PLA2G12A: variants seen among roughly 807,000 people sequenced by gnomAD.
PLA2G12A encodes group XIIA secretory phospholipase A2.
A neutral mutation model predicts 16.0 loss-of-function variants in PLA2G12A; 11 were observed. The observed-to-expected ratio is 0.69, with a 90% confidence interval of 0.43 to 1.13. The LOEUF is 1.13. PLA2G12A is among the 50% of genes most tolerant of loss of function. The pLI is 0.00. For missense variants in PLA2G12A, 214 were observed against 237.3 expected (o/e 0.90, Z 0.65); for synonymous variants, 77 against 93.8 (o/e 0.82, Z 1.03).
At chr4:109,722,575 C>T (rs1215491583) in intron 1 of PLA2G12A, among the ~76,000 whole-genome samples, 1 of 152,200 alleles carries the variant, frequency 6.6e-6, no homozygotes, top group African/African-American at 2.4e-5. Context: ...GGACTCTTAC[C>T]AGACATTGAA....
intron 1 of PLA2G12A, among the ~76,000 whole-genome samples, chr4:109,726,532 C>T (rs1055853669): frequency 3.9e-5 from 6 of 152,256 alleles, no homozygotes; most frequent in Admixed American, 6.5e-5. Flanking sequence ...CTCCTGCATG[C>T]GTCACCCTGC....
chr4:109,726,294 C>T (rs1199961808), intron 1 of PLA2G12A, among the ~76,000 whole-genome samples: 3 of 152,146 alleles, frequency 2.0e-5, no homozygotes, highest in East Asian at 3.8e-4. Context: ...TCCTAATGCC[C>T]GAAAACTGTT....
chr4:109,717,464 T>C, intron 3 of PLA2G12A, 84 bp downstream of exon 3: 2 of 1,363,226 alleles, frequency 1.5e-6, no homozygotes, highest in Non-Finnish European at 2.0e-6. Flanking sequence ...AAGATTTCTA[T>C]TGGTAAATCC....
At chr4:109,715,307 T>C (rs934749948) in intron 3 of PLA2G12A, among the ~76,000 whole-genome samples, 1 of 152,218 alleles carries the variant, frequency 6.6e-6, no homozygotes, top group Non-Finnish European at 1.5e-5. Context: ...CATTTCATTA[T>C]GGCCAATGGC....
rs1730717799 is a variant in PLA2G12A, at chr4:109,711,061, T to TC, written c.*3315_*3316insG. 6.8e-6 allele frequency: 1 copy of TC among 147,918 alleles called. No homozygotes were observed. The highest frequency in any genetic ancestry group is 6.7e-5 in the Admixed American group (1 of 14,912). The allele number at this position is 147,918 out of a possible 1,614,324, so 9.2% of individuals were successfully genotyped here. A position where few individuals can be genotyped will look rare whatever the true frequency, so the allele number is the denominator to read the frequency against. ...TGACAGTTAGTTCTTGCCTTTTTTTTTTTTTTTTTTTTTTTGCTCTTTTAA... is the reference window on the plus strand; with the variant it reads ...TGACAGTTAGTTCTTGCCTTTTTTTTCTTTTTTTTTTTTTTTGCTCTTTTAA... On this transcript the variant is annotated 3_prime_UTR_variant, in exon 4 of 4. Coordinates refer to ENST00000243501, the MANE Select transcript of PLA2G12A (RefSeq NM_030821.5).
intron 1 of PLA2G12A, among the ~76,000 whole-genome samples, chr4:109,720,765 G>A (rs894014081): frequency 2.1e-4 from 31 of 151,072 alleles, no homozygotes; most frequent in Admixed American, 1.5e-3. Flanking sequence ...ATAACCTCAC[G>A]AAGATATAAA....
rs1248426135 is a variant in PLA2G12A at position 109,711,135 on chromosome 4, T to C, written c.*3242A>G. 1 of 140,910 alleles carries C rather than the reference T, an allele frequency of 7.1e-6. No homozygotes were observed. Among genetic ancestry groups the C allele is most frequent in the Non-Finnish European group, 1.5e-5 (1 of 66,264 alleles). 8.7% of individuals were successfully genotyped at this position (140,910 alleles called of 1,614,324 possible). On this transcript the variant is annotated 3_prime_UTR_variant, in exon 4 of 4. Transcript: ENST00000243501. ...AAATATCAACTTTAAAATCTAAACA[T>C]ATGCCACAAAATTTTGGGACAAATT...
At chr4:109,714,957 TTTTG>T (rs3086325) in intron 3 of PLA2G12A, among the ~76,000 whole-genome samples, 12,749 of 150,760 alleles carry the variant, frequency 0.085, 657 homozygotes, top group African/African-American at 0.14. Flanking sequence ...ACCCAGCTAT[TTTTG>T]TTTGTTTGTT....
chr4:109,714,351 T>C lies in PLA2G12A; in HGVS notation c.*26A>G. ...TCAAAGGTATGTTCTTCCATCTTCA[T>C]CTGTCACTAGCTGTCGGCATCTCCT... On this transcript the variant is annotated 3_prime_UTR_variant, in exon 4 of 4. Transcript: ENST00000243501. 7.2e-7 allele frequency: 1 copy of C among 1,387,608 alleles called. No homozygotes were observed. Among genetic ancestry groups the C allele is most frequent in the Non-Finnish European group, 1.0e-6 (1 of 973,484 alleles). The allele number at this position is 1,387,608 out of a possible 1,614,324, so 86.0% of individuals were successfully genotyped here.
intron 3 of PLA2G12A, 81 bp downstream of exon 3, chr4:109,717,467 G>T: frequency 2.9e-6 from 4 of 1,393,994 alleles, no homozygotes; most frequent in Non-Finnish European, 4.0e-6. Flanking sequence ...ATTTCTATTG[G>T]TAAATCCTAT....
At chr4:109,725,584 T>C (rs1722919319) in intron 1 of PLA2G12A, among the ~76,000 whole-genome samples, 1 of 152,252 alleles carries the variant, frequency 6.6e-6, no homozygotes, top group Non-Finnish European at 1.5e-5. Context: ...AAATCCACTG[T>C]GTACAACTGC....
intron 1 of PLA2G12A, among the ~76,000 whole-genome samples, chr4:109,721,183 C>T (rs560204617): frequency 3.9e-5 from 6 of 152,288 alleles, no homozygotes; most frequent in African/African-American, 1.2e-4. Flanking sequence ...GATAGCACTT[C>T]GTCTTGTTTC....
intron 3 of PLA2G12A, among the ~76,000 whole-genome samples, chr4:109,715,911 T>C (rs1240727609): frequency 6.6e-6 from 1 of 152,274 alleles, no homozygotes; most frequent in East Asian, 1.9e-4. Context: ...GAGTGGCTTT[T>C]AGTTATCCAA....
At chr4:109,724,516 A>G (rs1722890608) in intron 1 of PLA2G12A, among the ~76,000 whole-genome samples, 1 of 151,858 alleles carries the variant, frequency 6.6e-6, no homozygotes, top group Non-Finnish European at 1.5e-5. Flanking sequence ...AAATCCATAG[A>G]CTCTGATTTC....
In PLA2G12A at chr4:109,714,224, G is replaced by T; in HGVS notation, c.*153C>A. ...CCTCACTATCTCCCTCACTTTTTTTGCTTTGAGGTTTTAACATCAAGATAT... is the reference window on the plus strand; with the variant it reads ...CCTCACTATCTCCCTCACTTTTTTTTCTTTGAGGTTTTAACATCAAGATAT... On this transcript the variant is annotated 3_prime_UTR_variant, in exon 4 of 4. Transcript: ENST00000243501. 1.5e-6 allele frequency: 1 copy of T among 664,932 alleles called. No homozygotes were observed. Among genetic ancestry groups the T allele is most frequent in the Non-Finnish European group, 2.7e-6 (1 of 376,466 alleles). 41.2% of individuals were successfully genotyped at this position (664,932 alleles called of 1,614,324 possible).
chr4:109,715,620 G>C (rs1730816429), intron 3 of PLA2G12A, among the ~76,000 whole-genome samples: 1 of 151,934 alleles, frequency 6.6e-6, no homozygotes, highest in African/African-American at 2.4e-5. Flanking sequence ...TGAGTAACTG[G>C]GACTATAGGC....
chr4:109,721,865 T>C (rs1730951680), intron 1 of PLA2G12A, among the ~76,000 whole-genome samples: 1 of 152,108 alleles, frequency 6.6e-6, no homozygotes, highest in Admixed American at 6.5e-5. Flanking sequence ...AATCCAACAG[T>C]ATATCCTGTT....
chr4:109,725,629 T>C (rs1159230098), intron 1 of PLA2G12A, among the ~76,000 whole-genome samples: 1 of 152,264 alleles, frequency 6.6e-6, no homozygotes, highest in Admixed American at 6.5e-5. Context: ...CATTTTTGAC[T>C]TAAGCAATAG....
In PLA2G12A at chr4:109,713,724, G is replaced by T. The variant is rs1471078277; in HGVS notation, c.*653C>A. 6.6e-6 allele frequency: 1 copy of T among 152,292 alleles called. No individual in the cohort carries two copies. Among genetic ancestry groups the T allele is most frequent in the Non-Finnish European group, 1.5e-5 (1 of 68,166 alleles). The allele number at this position is 152,292 out of a possible 1,614,324, so 9.4% of individuals were successfully genotyped here. A position where few individuals can be genotyped will look rare whatever the true frequency, so the allele number is the denominator to read the frequency against. ...TTACATAACACTTAGCTATCCTGGG[G>T]TTGCTCCCTACGAGGTTATCAGCTG... On this transcript the variant is annotated 3_prime_UTR_variant, in exon 4 of 4. Transcript: ENST00000243501.
Sources: gnomAD v4.1 joint callset for allele counts (sites outside exome capture counted in the v4.1 genomes callset) on GRCh38, gnomAD v4.1.1 for gene constraint, MANE v1.5 for transcripts, NCBI Gene and HGNC (gene_info 2026-07-23, HGNC 2026-07-21) for gene names.